ABTB3: variants seen among roughly 807,000 people sequenced by gnomAD.
ABTB3 encodes the protein ankyrin repeat and BTB domain containing 3, also known as ankyrin repeat- and BTB/POZ domain-containing protein 3.
the ABTB3 span, chr12:107,619,981 T>C: frequency 6.2e-7 from 1 of 1,602,194 alleles, no homozygotes. Context: ...CTCTCCCCGC[T>C]CCAGGCGTCC....
the ABTB3 span, among the ~76,000 whole-genome samples, chr12:107,502,154 T>C: frequency 6.6e-6 from 1 of 151,650 alleles, no homozygotes; most frequent in African/African-American, 2.4e-5. Flanking sequence ...AACCTCTGCC[T>C]CCTGGGTTCA....
the ABTB3 span, among the ~76,000 whole-genome samples, chr12:107,415,788 C>T: frequency 2.6e-5 from 4 of 152,026 alleles, no homozygotes; most frequent in South Asian, 8.3e-4. Flanking sequence ...TTGTCTAGGC[C>T]TGGCTGTCAG....
At chr12:107,563,847 G>A in the ABTB3 span, among the ~76,000 whole-genome samples, 25 of 152,158 alleles carry the variant, frequency 1.6e-4, no homozygotes, top group African/African-American at 5.6e-4. Context: ...ACCACAGCAC[G>A]TTGGTGCTAG....
the ABTB3 span, among the ~76,000 whole-genome samples, chr12:107,638,522 G>T: frequency 6.6e-6 from 1 of 152,178 alleles, no homozygotes; most frequent in Non-Finnish European, 1.5e-5. Flanking sequence ...AACCCCTGGG[G>T]AAGGGACCAT....
chr12:107,328,406 TC>T, the ABTB3 span, among the ~76,000 whole-genome samples: 1 of 152,248 alleles, frequency 6.6e-6, no homozygotes, highest in Non-Finnish European at 1.5e-5. Flanking sequence ...TTTATTATTA[TC>T]GATAGTATCA....
the ABTB3 span, among the ~76,000 whole-genome samples, chr12:107,397,471 C>CTG: frequency 2.1e-4 from 31 of 150,466 alleles, no homozygotes; most frequent in South Asian, 8.4e-4. Context: ...GATTGCTTGT[C>CTG]TGTGTGTGTG....
chr12:107,369,428 C>T, the ABTB3 span, among the ~76,000 whole-genome samples: 2 of 145,236 alleles, frequency 1.4e-5, no homozygotes, highest in South Asian at 2.2e-4. Context: ...GATGGAGTCT[C>T]GCTCTTGTCA....
the ABTB3 span, among the ~76,000 whole-genome samples, chr12:107,463,356 T>C: frequency 6.6e-6 from 1 of 152,024 alleles, no homozygotes; most frequent in African/African-American, 2.4e-5. Flanking sequence ...ATGGTGGTGA[T>C]GATGAAAATG....
the ABTB3 span, among the ~76,000 whole-genome samples, chr12:107,384,356 C>T: frequency 4.1e-4 from 62 of 152,270 alleles, no homozygotes; most frequent in East Asian, 8.9e-3. Context: ...CCATTTCTAA[C>T]GAGGAGCAAG....
chr12:107,544,321 A>G, the ABTB3 span, among the ~76,000 whole-genome samples: 2 of 152,106 alleles, frequency 1.3e-5, no homozygotes, highest in Admixed American at 6.6e-5. Context: ...GGTCCTTGAA[A>G]TGGGTTTTTA....
chr12:107,468,409 A>T, the ABTB3 span, among the ~76,000 whole-genome samples: 7 of 152,192 alleles, frequency 4.6e-5, no homozygotes, highest in African/African-American at 1.7e-4. Context: ...TTCTAGCAGG[A>T]GACCACCAGG....
chr12:107,641,970 T>C, the ABTB3 span: 2 of 871,756 alleles, frequency 2.3e-6, no homozygotes, highest in African/African-American at 1.7e-5. Context: ...ATACCAGTGC[T>C]ATATTTCAGA....
At chr12:107,605,517 G>A in the ABTB3 span, among the ~76,000 whole-genome samples, 1 of 152,190 alleles carries the variant, frequency 6.6e-6, no homozygotes, top group Admixed American at 6.5e-5. Flanking sequence ...TGAAGGGTCA[G>A]AAGAAAGAGG....
At chr12:107,322,437 T>C in the ABTB3 span, among the ~76,000 whole-genome samples, 1 of 152,212 alleles carries the variant, frequency 6.6e-6, no homozygotes, top group Non-Finnish European at 1.5e-5. Context: ...TCCTTAGGTA[T>C]TGGAATCATA....
chr12:107,481,772 A>ACTTCTTCAC, the ABTB3 span, among the ~76,000 whole-genome samples: 1 of 152,106 alleles, frequency 6.6e-6, no homozygotes, highest in Non-Finnish European at 1.5e-5. Context: ...GTCTCTGGCC[A>ACTTCTTCAC]CTTCTTCACT....
the ABTB3 span, among the ~76,000 whole-genome samples, chr12:107,566,083 G>A: frequency 1.3e-5 from 2 of 152,172 alleles, no homozygotes; most frequent in African/African-American, 4.8e-5. Context: ...TCCTTCTTGC[G>A]CACATAGAGG....
At chr12:107,353,428 G>C in the ABTB3 span, among the ~76,000 whole-genome samples, 2 of 152,272 alleles carry the variant, frequency 1.3e-5, no homozygotes, top group East Asian at 1.9e-4. Flanking sequence ...ATGGGATCTG[G>C]GATCAGACAG....
chr12:107,486,618 G>A, the ABTB3 span: 5 of 151,742 alleles, frequency 3.3e-5, no homozygotes, highest in Admixed American at 3.3e-4. Context: ...GCATGTTCAG[G>A]GTGGTATGGC....
the ABTB3 span, chr12:107,543,991 G>A: frequency 0.13 from 210,993 of 1,613,482 alleles, 16,674 homozygotes; most frequent in Admixed American, 0.33. Flanking sequence ...CAAGCACCAC[G>A]GCAATGGCAC....
Sources: allele counts gnomAD v4.1 joint callset (sites outside exome capture counted in the v4.1 genomes callset), GRCh38; gene constraint gnomAD v4.1.1; transcripts MANE v1.5; gene names NCBI Gene and HGNC (gene_info 2026-07-23, HGNC 2026-07-21).